IGFL3: variants seen among roughly 807,000 people sequenced by gnomAD.
IGFL3 encodes insulin growth factor-like family member 3.
Under a neutral mutation model 17.0 loss-of-function variants are expected in IGFL3, and 12 were observed. The ratio of observed to expected loss-of-function variants is 0.71; its 90% CI spans 0.45 to 1.14. The LOEUF is 1.14. IGFL3 is among the 50% of genes most tolerant of loss of function. The pLI is 0.00. For missense variants in IGFL3, 153 were observed against 151.6 expected, an observed-to-expected ratio of 1.01 and a Z score of -0.05; for synonymous variants, 52 against 57.4, an observed-to-expected ratio of 0.91 and a Z score of 0.42.
chr19:46,122,918 T>C (rs554251812), intron 3 of IGFL3, among the ~76,000 whole-genome samples: 1 of 150,900 alleles, frequency 6.6e-6, no homozygotes, highest in East Asian at 2.0e-4. Context: ...TTTGTTTAGC[T>C]CACTATCCAG....
chr19:46,122,034 T>A (rs1488995084), intron 3 of IGFL3, among the ~76,000 whole-genome samples: 1 of 151,394 alleles, frequency 6.6e-6, no homozygotes, highest in Middle Eastern at 3.4e-3. Flanking sequence ...TTTTAAAACA[T>A]GCTGTGATAT....
chr19:46,121,998 C>A (rs1276916590), intron 3 of IGFL3, among the ~76,000 whole-genome samples: 1 of 151,068 alleles, frequency 6.6e-6, no homozygotes, highest in African/African-American at 2.5e-5. Flanking sequence ...AATGCTGTAC[C>A]TTTATGCAAA....
Position 46,120,165 on chromosome 19 carries a change from C to A in IGFL3, c.*165G>T. ...GATGAAGCAGGAAGGCATTCTTCCC[C>A]TGAAGTCTGGCCATCCCCAGCTGGG... On this transcript the variant is annotated 3_prime_UTR_variant, in exon 4 of 4. Coordinates refer to ENST00000341415, the MANE Select transcript of IGFL3 (RefSeq NM_207393.2). The A allele has an allele frequency of 2.1e-6, 2 of 943,970 alleles. No homozygotes were observed. The highest frequency in any genetic ancestry group is 3.0e-6 in the Non-Finnish European group (2 of 661,850). 58.5% of individuals were successfully genotyped at this position (943,970 alleles called of 1,614,324 possible).
chr19:46,123,935 C>G lies in IGFL3; in HGVS notation c.301G>C (p.Gly101Arg), dbSNP rs1173550678. The G allele has an allele frequency of 1.2e-6, 2 of 1,611,368 alleles. No homozygotes were observed. Among genetic ancestry groups the G allele is most frequent in the Non-Finnish European group, 1.7e-6 (2 of 1,179,622 alleles). The change falls in exon 3 of 4, where the codon GGT becomes CGT. Residue 101 changes from glycine to arginine, a missense_variant. Physicochemically the swap from Gly to Arg is moderately radical, Grantham distance 125 (BLOSUM62 -2). Transcript: ENST00000341415. The stretch of plus-strand genomic sequence containing the variant: ...GATAAGTGACACTGAGACTTCATAC[C>G]CAGAACCCTCAACTTCACAAGAAAC... ...QKFLVKLRVL[G>R]MKSQCHLSPI...
Position 46,122,466 on chromosome 19 carries a change from A to T in IGFL3, c.350+1420T>A, listed in dbSNP as rs904225846. Among the ~76,000 whole-genome samples the T allele has an allele frequency of 2.6e-5, 4 of 151,012 alleles. 1 individual carries two copies. Among genetic ancestry groups the T allele is most frequent in the Admixed American group, 2.6e-4 (4 of 15,150 alleles). The stretch of plus-strand genomic sequence containing the variant: ...CTGAGCCAAAAGATACAGATAATAA[A>T]TGTTAATAATAGCAGCAGACTAAAA... On this transcript the variant is annotated intron_variant, in intron 3 of 3. Transcript: ENST00000341415.
At chr19:46,120,394 A>G in intron 3 of IGFL3, 37 bp from the exon 4 acceptor site, 2 of 1,609,518 alleles carry the variant, frequency 1.2e-6, no homozygotes, top group Non-Finnish European at 1.7e-6. Flanking sequence ...TCTTAACAAC[A>G]TATATTCTCA....
intron 3 of IGFL3, among the ~76,000 whole-genome samples, chr19:46,122,123 CA>C (rs774350358): frequency 2.0e-5 from 3 of 150,662 alleles, no homozygotes; most frequent in Non-Finnish European, 2.9e-5. Flanking sequence ...CCTTTAATTC[CA>C]AGACAATTTG....
intron 3 of IGFL3, among the ~76,000 whole-genome samples, 174 bp from the exon 4 acceptor site, chr19:46,120,531 C>T (rs1343786217): frequency 6.6e-6 from 1 of 150,892 alleles, no homozygotes; most frequent in Non-Finnish European, 1.5e-5. Flanking sequence ...AGATAGGACA[C>T]CACATGAAAG....
At chr19:46,121,416 GAA>G (rs1448754343) in intron 3 of IGFL3, among the ~76,000 whole-genome samples, 12 of 143,060 alleles carry the variant, frequency 8.4e-5, no homozygotes, top group Non-Finnish European at 1.8e-4. Context: ...AAAAGAAGAA[GAA>G]AAGAAAATTT....
At chr19:46,120,427 A>G in intron 3 of IGFL3, 70 bp from the exon 4 acceptor site, 1 of 1,600,202 alleles carries the variant, frequency 6.2e-7, no homozygotes, top group Non-Finnish European at 8.5e-7. Context: ...CCCCTACAAA[A>G]GCAATTTTAA....
At chr19:46,121,046 C>A (rs553852618) in intron 3 of IGFL3, among the ~76,000 whole-genome samples, 1 of 150,412 alleles carries the variant, frequency 6.6e-6, no homozygotes, top group African/African-American at 2.5e-5. Context: ...TTTCAAGATA[C>A]ATATTTGATG....
Position 46,124,684 on chromosome 19 carries a change from G to A in IGFL3, c.-35C>T. On this transcript the variant is annotated 5_prime_UTR_variant, in exon 1 of 4. Coordinates refer to ENST00000341415, the MANE Select transcript of IGFL3 (RefSeq NM_207393.2). ...GATGCTCTAGGAGAATTGAAGAAGA[G>A]TGGTAAAAGGCTGGAACTTATGGAG... is the stretch of plus-strand genomic sequence containing the variant. The A allele has an allele frequency of 1.3e-6, 2 of 1,595,676 alleles. No homozygotes were observed. Among genetic ancestry groups the A allele is most frequent in the Non-Finnish European group, 1.7e-6 (2 of 1,166,244 alleles).
At position 46,120,283 on chromosome 19, in the gene IGFL3, C is replaced by G. The variant is rs79087494; in HGVS notation, c.*47G>C. The G allele has an allele frequency of 0.018, 29,292 of 1,609,130 alleles. 813 individuals are homozygous for G. Among genetic ancestry groups the G allele is most frequent in the Non-Finnish European group, 0.021 (25,113 of 1,178,778 alleles). ...TGTAGTCTCCGATGTCCAGCTGCTT[C>G]GTCTCTTCTCCCCTTGTCTGCCGTC... is the stretch of plus-strand genomic sequence containing the variant. On this transcript the variant is annotated 3_prime_UTR_variant, in exon 4 of 4. Coordinates refer to ENST00000341415, the MANE Select transcript of IGFL3 (RefSeq NM_207393.2).
At chr19:46,122,077 C>T (rs1486691472) in intron 3 of IGFL3, among the ~76,000 whole-genome samples, 1 of 151,102 alleles carries the variant, frequency 6.6e-6, no homozygotes, top group Non-Finnish European at 1.5e-5. Flanking sequence ...GCTTCACTTT[C>T]TTCTTTTTCT....
At chr19:46,121,518 G>A (rs1423113076) in intron 3 of IGFL3, among the ~76,000 whole-genome samples, 1 of 150,576 alleles carries the variant, frequency 6.6e-6, no homozygotes, top group Admixed American at 6.6e-5. Flanking sequence ...GAGAGGAGTA[G>A]TATTTTCTCT....
At position 46,124,302 on chromosome 19, in the gene IGFL3, T is replaced by C; in HGVS notation, c.45A>G (p.Thr15=). 1 of 1,610,648 alleles carries C rather than the reference T, an allele frequency of 6.2e-7. No individual in the cohort carries two copies. The highest frequency in any genetic ancestry group is 8.5e-7 in the Non-Finnish European group (1 of 1,178,996). ...CCILALVCWI[T]VFLLQCSKGT... is the part of the protein sequence containing the mutation. ...CTTTTGAACACTGGAGGAGGAAGAC[T>C]GTTATCCAGCAGACAAGAGCTAAGG... Residue 15 remains threonine (T), a synonymous_variant, in exon 2 of 4, where the codon ACA becomes ACG. Coordinates refer to ENST00000341415, the MANE Select transcript of IGFL3 (RefSeq NM_207393.2).
chr19:46,123,877 G>T lies in IGFL3; in HGVS notation c.350+9C>A. 6.2e-7 allele frequency: 1 copy of T among 1,604,406 alleles called. No individual in the cohort carries two copies. The highest frequency in any genetic ancestry group is 1.1e-5 in the South Asian group (1 of 89,750). On this transcript the variant is annotated intron_variant, in intron 3 of 3. Coordinates refer to ENST00000341415, the MANE Select transcript of IGFL3 (RefSeq NM_207393.2). ...TTCCTTTAGTTAAGAGCAAGGTAGGGACCTTTACCTGGTACAGCTCCGGGA... is the reference window on the plus strand; with the variant it reads ...TTCCTTTAGTTAAGAGCAAGGTAGGTACCTTTACCTGGTACAGCTCCGGGA...
chr19:46,120,462 C>G, intron 3 of IGFL3, 105 bp from the exon 4 acceptor site: 1 of 1,509,006 alleles, frequency 6.6e-7, no homozygotes. Flanking sequence ...ACAGACTTGA[C>G]TGCTACACCA....
chr19:46,121,227 A>G (rs1339863177), intron 3 of IGFL3, among the ~76,000 whole-genome samples: 1 of 149,398 alleles, frequency 6.7e-6, no homozygotes, highest in Non-Finnish European at 1.5e-5. Flanking sequence ...AAAAAAAACC[A>G]AAAAACCAAA....
Sources: allele counts gnomAD v4.1 joint callset (sites outside exome capture counted in the v4.1 genomes callset), GRCh38; gene constraint gnomAD v4.1.1; transcripts MANE v1.5; gene names NCBI Gene and HGNC (gene_info 2026-07-23, HGNC 2026-07-21).